CAMK4: variants seen among roughly 807,000 people sequenced by gnomAD.
The protein encoded by CAMK4 is calcium/calmodulin-dependent protein kinase type IV.
In CAMK4, 22 loss-of-function variants were observed where a neutral mutation model predicts 44.9. The ratio of observed to expected loss-of-function variants is 0.49; its 90% CI spans 0.35 to 0.70. CAMK4 has a LOEUF of 0.70. CAMK4 is among the 30% of genes least tolerant of loss of function. The pLI is 0.01. For missense variants in CAMK4, 498 were observed against 586.8 expected (o/e 0.85, Z 1.56); for synonymous variants, 218 against 215.4 (o/e 1.01, Z -0.11).
At chr5:111,335,575 C>T (rs943289695) in intron 1 of CAMK4, among the ~76,000 whole-genome samples, 8 of 151,284 alleles carry the variant, frequency 5.3e-5, no homozygotes, top group Admixed American at 2.6e-4. Flanking sequence ...ATGAATTAGG[C>T]GTGAGGAGCA....
At chr5:111,309,244 C>G (rs1748095743) in intron 1 of CAMK4, among the ~76,000 whole-genome samples, 1 of 152,174 alleles carries the variant, frequency 6.6e-6, no homozygotes, top group Admixed American at 6.5e-5. Flanking sequence ...CAAATGCCTC[C>G]TGAAGGGACT....
At chr5:111,353,187 A>G (rs937636225) in intron 2 of CAMK4, among the ~76,000 whole-genome samples, 1 of 152,064 alleles carries the variant, frequency 6.6e-6, no homozygotes, top group Non-Finnish European at 1.5e-5. Context: ...AACTTTACAT[A>G]CACTATTGCA....
At chr5:111,459,616 TC>T (rs1177057353) in intron 7 of CAMK4, among the ~76,000 whole-genome samples, 1 of 151,944 alleles carries the variant, frequency 6.6e-6, no homozygotes, top group Non-Finnish European at 1.5e-5. Flanking sequence ...GTTGATAAAA[TC>T]GAATCTCAAG....
chr5:111,340,432 T>A (rs1749592846), intron 1 of CAMK4, among the ~76,000 whole-genome samples: 1 of 151,444 alleles, frequency 6.6e-6, no homozygotes. Context: ...CATGAATAGA[T>A]GTTAAATTTT....
chr5:111,243,110 G>T (rs1437027378), intron 1 of CAMK4, among the ~76,000 whole-genome samples: 1 of 152,174 alleles, frequency 6.6e-6, no homozygotes, highest in Admixed American at 6.5e-5. Flanking sequence ...AGCACAGTAA[G>T]GCAGATTTCA....
chr5:111,329,185 T>G (rs1177933773), intron 1 of CAMK4, among the ~76,000 whole-genome samples: 1 of 152,088 alleles, frequency 6.6e-6, no homozygotes, highest in African/African-American at 2.4e-5. Flanking sequence ...CAACGCTTCA[T>G]GCTAAAACCT....
At chr5:111,242,475 T>C (rs1487740805) in intron 1 of CAMK4, among the ~76,000 whole-genome samples, 2 of 152,172 alleles carry the variant, frequency 1.3e-5, no homozygotes. Flanking sequence ...ATCTTTTTCA[T>C]TTACATCATT....
intron 4 of CAMK4, among the ~76,000 whole-genome samples, chr5:111,392,629 C>T (rs1751843020): frequency 6.6e-6 from 1 of 151,842 alleles, no homozygotes; most frequent in African/African-American, 2.4e-5. Context: ...TAAAATGGAC[C>T]ACATAGTAAA....
intron 2 of CAMK4, among the ~76,000 whole-genome samples, chr5:111,346,822 AAAAC>A (rs140958825): frequency 0.05 from 5,789 of 116,650 alleles, 140 homozygotes; most frequent in Middle Eastern, 0.12. Context: ...CCCAGTGTGC[AAAAC>A]AAACAAACAA....
chr5:111,319,447 T>C (rs1748568295), intron 1 of CAMK4, among the ~76,000 whole-genome samples: 1 of 152,156 alleles, frequency 6.6e-6, no homozygotes, highest in African/African-American at 2.4e-5. Context: ...CCCTTGCCTT[T>C]TTTGTTGGGT....
At chr5:111,464,907 C>T (rs1754768959) in intron 7 of CAMK4, among the ~76,000 whole-genome samples, 1 of 152,132 alleles carries the variant, frequency 6.6e-6, no homozygotes, top group Non-Finnish European at 1.5e-5. Flanking sequence ...AGGAGTCTTC[C>T]TTCTCTTTCT....
At chr5:111,251,346 T>C (rs1259150168) in intron 1 of CAMK4, among the ~76,000 whole-genome samples, 2 of 152,232 alleles carry the variant, frequency 1.3e-5, no homozygotes, top group African/African-American at 2.4e-5. Flanking sequence ...TTTGAATTCT[T>C]TCTCTGAGGA....
intron 8 of CAMK4, among the ~76,000 whole-genome samples, chr5:111,475,898 C>T (rs995769840): frequency 2.0e-5 from 3 of 152,148 alleles, no homozygotes; most frequent in African/African-American, 7.2e-5. Context: ...ACATCTCACT[C>T]ATTTCACCAG....
At chr5:111,337,907 T>G (rs1561422479) in intron 1 of CAMK4, among the ~76,000 whole-genome samples, 1 of 151,168 alleles carries the variant, frequency 6.6e-6, no homozygotes, top group Non-Finnish European at 1.5e-5. Flanking sequence ...CCCTAATGTC[T>G]TGCCCTGCTG....
intron 1 of CAMK4, among the ~76,000 whole-genome samples, chr5:111,271,937 C>G (rs1419122618): frequency 2.0e-5 from 3 of 152,164 alleles, no homozygotes; most frequent in Admixed American, 6.5e-5. Flanking sequence ...CCCTCCAACA[C>G]TTTTCTCTCC....
At chr5:111,382,784 A>G (rs1176662217) in intron 4 of CAMK4, among the ~76,000 whole-genome samples, 2 of 152,154 alleles carry the variant, frequency 1.3e-5, no homozygotes, top group Non-Finnish European at 2.9e-5. Flanking sequence ...AAAGTATATA[A>G]TTTTGCTACC....
intron 5 of CAMK4, among the ~76,000 whole-genome samples, chr5:111,416,039 A>T (rs1049533742): frequency 6.6e-6 from 1 of 152,206 alleles, no homozygotes; most frequent in African/African-American, 2.4e-5. Context: ...CCAATCCCTC[A>T]GGGATACTGA....
At chr5:111,272,295 T>G (rs528429377) in intron 1 of CAMK4, among the ~76,000 whole-genome samples, 164 of 152,176 alleles carry the variant, frequency 1.1e-3, no homozygotes, top group African/African-American at 3.8e-3. Context: ...TATGGATGAG[T>G]GTTGCTTTCT....
At chr5:111,316,974 A>G (rs1235988697) in intron 1 of CAMK4, among the ~76,000 whole-genome samples, 2 of 152,146 alleles carry the variant, frequency 1.3e-5, no homozygotes, top group South Asian at 2.1e-4. Context: ...AAGAGCACAT[A>G]GGAATTCGTC....
Sources: allele counts gnomAD v4.1 joint callset (sites outside exome capture counted in the v4.1 genomes callset), GRCh38; gene constraint gnomAD v4.1.1; transcripts MANE v1.5; gene names NCBI Gene and HGNC (gene_info 2026-07-23, HGNC 2026-07-21).